Variants in UNKL observed in about 807,000 individuals in gnomAD.
The protein encoded by UNKL is putative E3 ubiquitin-protein ligase UNKL.
In UNKL, 60 loss-of-function variants were observed where a neutral mutation model predicts 78.0. The observed-to-expected ratio is 0.77, with a 90% CI of 0.63 to 0.95. The LOEUF (loss-of-function observed/expected upper bound fraction) is 0.95, where lower values mean the gene tolerates loss of function less well. UNKL is among the 40% of genes least tolerant of loss of function. The pLI, the probability that UNKL is intolerant of heterozygous loss-of-function variation, is 0.00. For synonymous variants in UNKL, 608 were observed against 474.8 expected, an observed-to-expected ratio of 1.28 and a Z score of -3.65; for missense variants, 1,159 against 1,045.7, an observed-to-expected ratio of 1.11 and a Z score of -1.49.
At chr16:1,388,407 C>A (rs2036906886) in intron 9 of UNKL, among the ~76,000 whole-genome samples, 1 of 152,164 alleles carries the variant, frequency 6.6e-6, no homozygotes, top group Non-Finnish European at 1.5e-5. Flanking sequence ...TCCCGCCTGT[C>A]TGCAGGAGGG....
rs1300597394 is a variant in UNKL at position 1,385,291 on chromosome 16, C to G, written c.1181G>C (p.Ser394Thr). 9 of 1,372,286 alleles carry G rather than the reference C, an allele frequency of 6.6e-6. No individual in the cohort carries two copies. The highest frequency in any genetic ancestry group is 8.4e-6 in the Non-Finnish European group (9 of 1,068,584). The allele number at this position is 1,372,286 out of a possible 1,614,324, so 85.0% of individuals were successfully genotyped here. Residue 394 changes from serine to threonine, a missense_variant, in exon 10 of 15, where the codon AGC becomes ACC. Physicochemically the swap from Ser to Thr is moderately conservative, Grantham distance 58. Transcript: ENST00000389221. The part of the protein sequence containing the change: ...SSLASSAGSG[S>T]SSPTALPAPP... The stretch of plus-strand genomic sequence containing the variant: ...CGCGGGCAGCGCAGTGGGGGAGGAG[C>G]TGCCGGAGCCGGCGCTGGACGCCAG...
At position 1,403,404 on chromosome 16, in the gene UNKL, T is replaced by C; in HGVS notation, c.288-60A>G. The C allele has an allele frequency of 1.3e-6, 2 of 1,523,552 alleles. No homozygotes were observed. Among genetic ancestry groups the C allele is most frequent in the Middle Eastern group, 2.2e-4 (1 of 4,596 alleles). The allele number at this position is 1,523,552 out of a possible 1,614,324, so 94.4% of individuals were successfully genotyped here. On this transcript the variant is annotated intron_variant, in intron 2 of 14. Transcript: ENST00000389221. This position sits in a 1 kb window ranked among gnomAD's most constrained non-coding sequence, Gnocchi z 4.8. ...CATGGACCCAGAGGCAGCCCTAAGC[T>C]CCCTGGGTCCACGCCCTGTCAGCAC...
At position 1,414,652 on chromosome 16, in the gene UNKL, C is replaced by G; in HGVS notation, c.40G>C (p.Gly14Arg). The G allele has an allele frequency of 8.8e-7, 1 of 1,142,806 alleles. No homozygotes were observed. The highest frequency in any genetic ancestry group is 1.1e-6 in the Non-Finnish European group (1 of 919,810). 70.8% of individuals were successfully genotyped at this position (1,142,806 alleles called of 1,614,324 possible). A position where few individuals can be genotyped will look rare whatever the true frequency, so the allele number is the denominator to read the frequency against. ...VSKAAAAALS[G>R]SPPQTEKPTH... ...GGCTTCTCAGTCTGCGGGGGGGACC[C>G]GCTCAGCGCCGCTGCCGCCGCTTTC... The change falls in exon 1 of 15, where the codon GGG (glycine) becomes CGG (arginine). Residue 14 changes from glycine to arginine, a missense_variant. Transcript: ENST00000389221.
chr16:1,405,982 G>C (rs989638625), intron 2 of UNKL: 56 of 456,632 alleles, frequency 1.2e-4, no homozygotes, highest in African/African-American at 1.1e-3. Context: ...AAATCACCTA[G>C]GAGGCCCGTG....
intron 6 of UNKL, among the ~76,000 whole-genome samples, chr16:1,396,162 G>A (rs908153490): frequency 2.6e-5 from 4 of 151,728 alleles, no homozygotes; most frequent in African/African-American, 7.3e-5. Context: ...GGCTGGTTTC[G>A]AACCCCTGAC....
chr16:1,379,449 C>A, intron 10 of UNKL: 1 of 978,690 alleles, frequency 1.0e-6, no homozygotes, highest in Non-Finnish European at 1.2e-6. Context: ...GAGAAGGCGA[C>A]GCCTTCGCCT....
intron 10 of UNKL, among the ~76,000 whole-genome samples, chr16:1,374,807 C>T (rs1008624824): frequency 1.3e-5 from 2 of 152,172 alleles, no homozygotes; most frequent in African/African-American, 2.4e-5. Context: ...AACAAGGACT[C>T]GGCAGCCAAG....
rs2035838080 is a variant in UNKL at position 1,371,508 on chromosome 16, C to G, written c.1357+11G>C. Reference sequence around the variant, plus strand: ...TGGAGGAGCAGGGCCCCAGGTCCTCCCCACCCTCACCTGCTGCTCCCAGGT... The same window carrying G: ...TGGAGGAGCAGGGCCCCAGGTCCTCGCCACCCTCACCTGCTGCTCCCAGGT... On this transcript the variant is annotated intron_variant, in intron 11 of 14. Coordinates refer to ENST00000389221, the MANE Select transcript of UNKL (RefSeq NM_001372107.1). 1 of 1,535,916 alleles carries G rather than the reference C, an allele frequency of 6.5e-7. No individual in the cohort carries two copies. The highest frequency in any genetic ancestry group is 8.7e-7 in the Non-Finnish European group (1 of 1,146,832).
chr16:1,367,411 G>A, intron 13 of UNKL, 62 bp from the exon 14 acceptor site: 1 of 1,475,084 alleles, frequency 6.8e-7, no homozygotes, highest in South Asian at 1.3e-5. Context: ...AGACCCTCTT[G>A]CCTGTGTCAC....
chr16:1,395,929 G>A (rs758014501), intron 6 of UNKL: 6 of 370,820 alleles, frequency 1.6e-5, no homozygotes, highest in South Asian at 3.8e-5. Flanking sequence ...GCCCCTGCAC[G>A]CCTCCCCCTT....
At chr16:1,385,117 A>G in intron 10 of UNKL, 91 bp downstream of exon 10, 1 of 1,023,518 alleles carries the variant, frequency 9.8e-7, no homozygotes, top group Non-Finnish European at 1.3e-6. Context: ...CGATTCTGTA[A>G]CATGTCCTGA....
In UNKL at chr16:1,387,111, T is replaced by TGCG. The variant is rs2036848012; in HGVS notation, c.1087-1727_1087-1726insCGC. Among the ~76,000 whole-genome samples, 1 of 150,632 alleles carries TGCG rather than the reference T, an allele frequency of 6.6e-6. No individual in the cohort carries two copies. The highest frequency in any genetic ancestry group is 1.5e-5 in the Non-Finnish European group (1 of 67,498). Reference sequence around the variant, plus strand: ...GCAGCACCGGGGACCCTCCCAGCAATGCAGCACCGGGGACCCTCCCAGCCA... The same window carrying TGCG: ...GCAGCACCGGGGACCCTCCCAGCAATGCGGCAGCACCGGGGACCCTCCCAGCCA... On this transcript the variant is annotated intron_variant, in intron 9 of 14. Transcript: ENST00000389221. The surrounding 1 kb of genome is among the most constrained non-coding windows in gnomAD (Gnocchi z 4.1).
At chr16:1,407,547 T>A (rs912730336) in intron 2 of UNKL, among the ~76,000 whole-genome samples, 8 of 151,668 alleles carry the variant, frequency 5.3e-5, no homozygotes, top group Non-Finnish European at 1.0e-4. Context: ...ATACAAAAAT[T>A]CAGCTGGGCG....
At chr16:1,402,935 T>C (rs1170050270) in intron 3 of UNKL, among the ~76,000 whole-genome samples, 7 of 151,926 alleles carry the variant, frequency 4.6e-5, no homozygotes, top group Admixed American at 4.6e-4. Flanking sequence ...GGGCTTGCAG[T>C]GAGCTGAGAT....
rs980468983 is a variant in UNKL at position 1,385,208 on chromosome 16, C to A, written c.1264G>T (p.Gly422Cys). ...PASSTVEAVL[G>C]SALDLHLSNV... Reference sequence around the variant, plus strand: ...GAAAGGAGGACGGTGCTGGACTTACCGAGGACGGCCTCCACAGTGCTGCTG... The same window carrying A: ...GAAAGGAGGACGGTGCTGGACTTACAGAGGACGGCCTCCACAGTGCTGCTG... The change falls in exon 10 of 15, where the codon GGT (glycine) becomes TGT (cysteine). Residue 422 changes from glycine to cysteine, a missense_variant and splice_region_variant. Gly to Cys is a radical substitution (Grantham distance 159). Coordinates refer to ENST00000389221, the MANE Select transcript of UNKL (RefSeq NM_001372107.1). 2.3e-6 allele frequency: 3 copies of A among 1,280,528 alleles called. No homozygotes were observed. Among genetic ancestry groups the A allele is most frequent in the Non-Finnish European group, 3.0e-6 (3 of 1,014,300 alleles). The allele number at this position is 1,280,528 out of a possible 1,614,324, so 79.3% of individuals were successfully genotyped here. A position where few individuals can be genotyped will look rare whatever the true frequency, so the allele number is the denominator to read the frequency against.
chr16:1,370,532 C>T (rs1489526227), intron 11 of UNKL, among the ~76,000 whole-genome samples, 175 bp from the exon 12 acceptor site: 3 of 152,132 alleles, frequency 2.0e-5, no homozygotes. Context: ...AGCCACAGCG[C>T]CCCCGGTGGC....
chr16:1,394,822 AC>A (rs889703560), intron 6 of UNKL, among the ~76,000 whole-genome samples: 56 of 151,330 alleles, frequency 3.7e-4, no homozygotes, highest in Non-Finnish European at 6.6e-4. Flanking sequence ...GCCTGGCCCC[AC>A]CCCCCCATGG....
At chr16:1,406,697 G>C (rs555077639) in intron 2 of UNKL, among the ~76,000 whole-genome samples, 28 of 152,178 alleles carry the variant, frequency 1.8e-4, no homozygotes, top group Admixed American at 5.2e-4. Context: ...CTTTCCTCTT[G>C]CTCCCAAAGC....
chr16:1,397,087 G>A (rs2037298576), intron 6 of UNKL, 91 bp downstream of exon 6: 1 of 1,389,904 alleles, frequency 7.2e-7, no homozygotes, highest in East Asian at 2.5e-5. Flanking sequence ...GTTAATCACT[G>A]TTCCTTCTGT....
Sources: gnomAD v4.1 joint callset for allele counts (sites outside exome capture counted in the v4.1 genomes callset) on GRCh38, gnomAD v4.1.1 for gene constraint, Gnocchi (gnomAD v3.1) non-coding constraint, MANE v1.5 for transcripts, NCBI Gene and HGNC (gene_info 2026-07-23, HGNC 2026-07-21) for gene names.